Variants in CYB561 observed in about 807,000 individuals in gnomAD.
The protein encoded by CYB561 is cytochrome b561.
CYB561 carries 11 observed loss-of-function variants against 25.3 expected under a neutral mutation model. The observed-to-expected ratio is 0.44, with a 90% confidence interval of 0.27 to 0.72. CYB561 has a LOEUF of 0.72. Among genes scored for constraint, CYB561 ranks in the 30% least tolerant of loss-of-function variants. CYB561 has a pLI of 0.18. For synonymous variants in CYB561, 165 were observed against 158.8 expected, an observed-to-expected ratio of 1.04 and a Z score of -0.29; for missense variants, 295 against 334.9, an observed-to-expected ratio of 0.88 and a Z score of 0.93.
intron 1 of CYB561, among the ~76,000 whole-genome samples, chr17:63,438,776 C>T (rs1599119698): frequency 6.6e-6 from 1 of 152,286 alleles, no homozygotes; most frequent in East Asian, 1.9e-4. Context: ...CGCTAAGAGC[C>T]CAAGGGAGTG....
intron 1 of CYB561, among the ~76,000 whole-genome samples, chr17:63,439,833 T>A (rs1406283584): frequency 6.6e-6 from 1 of 152,184 alleles, no homozygotes; most frequent in Non-Finnish European, 1.5e-5. Context: ...TGCACGGCCA[T>A]TTTTTAGCCA....
intron 1 of CYB561, among the ~76,000 whole-genome samples, chr17:63,442,242 G>C (rs987473955): frequency 2.0e-5 from 3 of 152,204 alleles, no homozygotes; most frequent in Admixed American, 6.5e-5. Flanking sequence ...CAGGACTCTC[G>C]TGAGGCCATT....
At chr17:63,438,162 C>T (rs1043391762) in intron 1 of CYB561, 2 of 1,535,432 alleles carry the variant, frequency 1.3e-6, no homozygotes, top group African/African-American at 2.7e-5. Flanking sequence ...GGTGAGGGTG[C>T]AAGGAAAGAT....
At chr17:63,434,657 G>T in intron 5 of CYB561, 63 bp from the exon 6 acceptor site, 4 of 1,427,548 alleles carry the variant, frequency 2.8e-6, no homozygotes, top group Non-Finnish European at 3.8e-6. Context: ...AATGCCCTTT[G>T]TATCCTGGGC....
Position 63,434,298 on chromosome 17 carries a change from C to G in CYB561, c.*104G>C. On this transcript the variant is annotated 3_prime_UTR_variant, in exon 6 of 6. Transcript: ENST00000360793. The stretch of plus-strand genomic sequence containing the variant: ...AACAGATGCAGCTGCACCCACGCGC[C>G]CGCCTGCTGCCAGAGCCACTCTCCG... 1 of 1,090,916 alleles carries G rather than the reference C, an allele frequency of 9.2e-7. No individual in the cohort carries two copies. The highest frequency in any genetic ancestry group is 1.3e-6 in the Non-Finnish European group (1 of 780,350). 67.6% of individuals were successfully genotyped at this position (1,090,916 alleles called of 1,614,324 possible).
In CYB561 at chr17:63,436,067, G is replaced by A; in HGVS notation, c.288C>T (p.Val96=). Residue 96 remains valine (V), a synonymous_variant, in exon 3 of 6, where the codon GTC becomes GTT. Transcript: ENST00000360793. The surrounding 1 kb of genome is among the most constrained non-coding windows in gnomAD (Gnocchi z 4.8). The part of the protein sequence containing the change: ...LHGLLHIFAL[V]IALVGLVAVF... ...CCGGGAACTCACCAACCAGGGCGAT[G>A]ACGAGCGCAAAGATGTGCAGCAGCC... The A allele has an allele frequency of 6.2e-7, 1 of 1,614,198 alleles. No individual in the cohort carries two copies. The highest frequency in any genetic ancestry group is 8.5e-7 in the Non-Finnish European group (1 of 1,180,026).
At chr17:63,435,268 CG>C in intron 4 of CYB561, 25 bp from the exon 5 acceptor site, 1 of 1,607,424 alleles carries the variant, frequency 6.2e-7, no homozygotes, top group Non-Finnish European at 8.5e-7. Context: ...GAGACGGTTC[CG>C]GGACAGGGCG....
In CYB561 at chr17:63,434,496, C is replaced by CG. The variant is rs2049271275; in HGVS notation, c.661dup (p.Arg221ProfsTer27). On this transcript the variant is annotated frameshift_variant, in exon 6 of 6. Coordinates refer to ENST00000360793, the MANE Select transcript of CYB561 (RefSeq NM_001915.4). LOFTEE classifies it high-confidence loss of function. ...CTGGGAAGGCCGCTTCCAGTCGGCC[C>CG]GGGTCAAGATGTAGAGCACCGCCCC... is the stretch of plus-strand genomic sequence containing the variant. 5 of 1,613,088 alleles carry CG rather than the reference C, an allele frequency of 3.1e-6. No homozygotes were observed. In the East Asian group the frequency reaches 8.9e-5, roughly 29 times the overall value.
Position 63,432,776 on chromosome 17 carries a change from G to A in CYB561, c.*1626C>T, listed in dbSNP as rs77530319. The A allele has an allele frequency of 6.6e-6, 1 of 152,334 alleles. No homozygotes were observed. Among genetic ancestry groups the A allele is most frequent in the Non-Finnish European group, 1.5e-5 (1 of 68,120 alleles). 9.4% of individuals were successfully genotyped at this position (152,334 alleles called of 1,614,324 possible). The stretch of plus-strand genomic sequence containing the variant: ...ACTACAACCACCTGCTCCCAGAAAT[G>A]ACACTGCCTGAGGCAGGAGACACAG... On this transcript the variant is annotated 3_prime_UTR_variant, in exon 6 of 6. Coordinates refer to ENST00000360793, the MANE Select transcript of CYB561 (RefSeq NM_001915.4).
intron 4 of CYB561, 80 bp downstream of exon 4, chr17:63,435,608 G>T: frequency 2.7e-6 from 3 of 1,119,544 alleles, no homozygotes; most frequent in East Asian, 2.4e-5. Flanking sequence ...CCTTCCATGA[G>T]GTACATTTCA....
chr17:63,437,909 C>A lies in CYB561; in HGVS notation c.-13-349G>T, dbSNP rs555943684. 572 of 530,510 alleles carry A rather than the reference C, an allele frequency of 1.1e-3. 6 individuals carry two copies. Among genetic ancestry groups the A allele is most frequent in the Non-Finnish European group, 1.5e-3 (490 of 319,666 alleles). The allele number at this position is 530,510 out of a possible 1,614,324, so 32.9% of individuals were successfully genotyped here. The stretch of plus-strand genomic sequence containing the variant: ...CCCCCTGAGATGCGCATGTCCCCCC[C>A]ACGGATGCGCACAGCCCCTAGAGAC... On this transcript the variant is annotated intron_variant, in intron 1 of 5. Coordinates refer to ENST00000360793, the MANE Select transcript of CYB561 (RefSeq NM_001915.4).
At chr17:63,434,634 C>T (rs2049273962) in intron 5 of CYB561, 40 bp from the exon 6 acceptor site, 3 of 1,554,370 alleles carry the variant, frequency 1.9e-6, no homozygotes, top group Admixed American at 1.7e-5. Context: ...CCCAAGGGGT[C>T]ACAATTAGGC....
At chr17:63,440,181 C>T in intron 1 of CYB561, 1 of 398,780 alleles carries the variant, frequency 2.5e-6, no homozygotes, top group Non-Finnish European at 4.4e-6. Context: ...CGGTTCACTA[C>T]TCATCTCTAC....
chr17:63,435,551 G>T, intron 4 of CYB561, 137 bp downstream of exon 4: 1 of 807,166 alleles, frequency 1.2e-6, no homozygotes, highest in Non-Finnish European at 2.1e-6. Flanking sequence ...ACCCGCACAG[G>T]CCTGGGAAGG....
At position 63,436,468 on chromosome 17, in the gene CYB561, G is replaced by A. The variant is rs772313118; in HGVS notation, c.203-316C>T. 15 of 291,318 alleles carry A rather than the reference G, an allele frequency of 5.1e-5. No individual in the cohort carries two copies. Among genetic ancestry groups the A allele is most frequent in the Non-Finnish European group, 8.6e-5 (13 of 151,938 alleles). 18.0% of individuals were successfully genotyped at this position (291,318 alleles called of 1,614,324 possible). A position where few individuals can be genotyped will look rare whatever the true frequency, so the allele number is the denominator to read the frequency against. On this transcript the variant is annotated intron_variant, in intron 2 of 5. Transcript: ENST00000360793. The surrounding 1 kb of genome is among the most constrained non-coding windows in gnomAD (Gnocchi z 4.8). ...ACCACCAGGACAGGCAGTGAAGGCA[G>A]CGCCTCTGCCCTCGTCCCCACCTAA... is the stretch of plus-strand genomic sequence containing the variant.
chr17:63,445,837 C>T (rs2049418044), intron 1 of CYB561: 1 of 152,272 alleles, frequency 6.6e-6, no homozygotes, highest in Admixed American at 6.5e-5. Context: ...GGCGGTGGCT[C>T]CGGTTTCAGA....
chr17:63,434,526 A>AAGCAGGCCAGC lies in CYB561; in HGVS notation c.621_631dup (p.Phe211CysfsTer13). On this transcript the variant is annotated frameshift_variant, in exon 6 of 6. Coordinates refer to ENST00000360793, the MANE Select transcript of CYB561 (RefSeq NM_001915.4). LOFTEE classifies it high-confidence loss of function. Reference sequence around the variant, plus strand: ...CAAGATGTAGAGCACCGCCCCACCGAAGCAGGCCAGCAGCAGGCCCAGCAC... The same window carrying AAGCAGGCCAGC: ...CAAGATGTAGAGCACCGCCCCACCGAAGCAGGCCAGCAGCAGGCCAGCAGCAGGCCCAGCAC... 6.2e-7 allele frequency: 1 copy of AAGCAGGCCAGC among 1,613,528 alleles called. No homozygotes were observed. The highest frequency in any genetic ancestry group is 1.3e-5 in the African/African-American group (1 of 75,050).
At position 63,435,628 on chromosome 17, in the gene CYB561, C is replaced by G. The variant is rs944785575; in HGVS notation, c.405+60G>C. ...CATGAGGTACATTTCAGCCCAGCTC[C>G]CCTCCTCCTCCCACCTCCCTGGTAG... On this transcript the variant is annotated intron_variant, in intron 4 of 5. Transcript: ENST00000360793. 8 of 1,365,128 alleles carry G rather than the reference C, an allele frequency of 5.9e-6. No homozygotes were observed. The African/African-American group carries it at 1.1e-4, about 20-fold the overall frequency. 84.6% of individuals were successfully genotyped at this position (1,365,128 alleles called of 1,614,324 possible).
chr17:63,440,234 C>T, intron 1 of CYB561: 1 of 398,812 alleles, frequency 2.5e-6, no homozygotes, highest in Non-Finnish European at 4.4e-6. Context: ...CGTCCCAAGT[C>T]ACCTTCTCTC....
Sources: gnomAD v4.1 joint callset for allele counts (sites outside exome capture counted in the v4.1 genomes callset) on GRCh38, gnomAD v4.1.1 for gene constraint, Gnocchi (gnomAD v3.1) non-coding constraint, MANE v1.5 for transcripts, NCBI Gene and HGNC (gene_info 2026-07-23, HGNC 2026-07-21) for gene names.